UNC13B: variants seen among roughly 807,000 people sequenced by gnomAD.
The protein encoded by UNC13B is protein unc-13 homolog B.
A neutral mutation model predicts 211.0 loss-of-function variants in UNC13B; 144 were observed. That is an observed-to-expected ratio of 0.68 (90% CI 0.60 to 0.78). UNC13B has a LOEUF of 0.78. Ranked by LOEUF, UNC13B falls within the 30% of genes least tolerant of loss-of-function variation. The pLI is 0.00. For synonymous variants in UNC13B, 709 were observed against 725.8 expected (o/e 0.98, Z 0.37); for missense variants, 1,777 against 2,002.0 (o/e 0.89, Z 2.14).
chr9:35,269,040 G>C (rs1012300952), intron 7 of UNC13B, among the ~76,000 whole-genome samples: 1 of 152,164 alleles, frequency 6.6e-6, no homozygotes, highest in African/African-American at 2.4e-5. Flanking sequence ...AACATCAACT[G>C]AGTGTCTCAT....
At chr9:35,186,176 T>C (rs1196502405) in intron 1 of UNC13B, among the ~76,000 whole-genome samples, 1 of 152,004 alleles carries the variant, frequency 6.6e-6, no homozygotes, top group Non-Finnish European at 1.5e-5. Flanking sequence ...AGCACCCTAC[T>C]AGGTGTAGAC....
intron 13 of UNC13B, 131 bp downstream of exon 13, chr9:35,370,527 C>G (rs1014893778): frequency 7.6e-6 from 6 of 790,114 alleles, no homozygotes; most frequent in Non-Finnish European, 1.2e-5. Flanking sequence ...TCATTTAAAG[C>G]CTTCGGAGAC....
At chr9:35,271,138 CAAAAAAAAA>C (rs34349679) in intron 7 of UNC13B, among the ~76,000 whole-genome samples, 18 of 75,726 alleles carry the variant, frequency 2.4e-4, no homozygotes, top group Middle Eastern at 7.8e-3. Flanking sequence ...GACTCCATTT[CAAAAAAAAA>C]AAAAAAAAAA....
At chr9:35,181,729 C>T (rs577147588) in intron 1 of UNC13B, among the ~76,000 whole-genome samples, 19 of 151,980 alleles carry the variant, frequency 1.3e-4, no homozygotes, top group South Asian at 6.2e-4. Context: ...TCCAGCTACT[C>T]GGGAGGCTGA....
At position 35,310,551 on chromosome 9, in the gene UNC13B, A is replaced by C. The variant is rs1564127999; in HGVS notation, c.9093A>C (p.Glu3031Asp). 1 of 1,614,164 alleles carries C rather than the reference A, an allele frequency of 6.2e-7. No homozygotes were observed. Among genetic ancestry groups the C allele is most frequent in the Non-Finnish European group, 8.5e-7 (1 of 1,180,024 alleles). ...SQLSELDQYH[E>D]QDDDHRETDS... ...TAAGTGAACTAGACCAGTATCACGA[A>C]CAAGATGACGACCATCGGGAGACGG... Residue 3031 changes from glutamate (E) to aspartate (D), a missense_variant, in exon 10 of 40, where the codon GAA becomes GAC. Physicochemically the swap from Glu to Asp is conservative, Grantham distance 45. Coordinates refer to ENST00000635942, the MANE Select transcript of UNC13B (RefSeq NM_001371189.2).
intron 7 of UNC13B, among the ~76,000 whole-genome samples, chr9:35,288,162 C>G (rs954868944): frequency 6.6e-6 from 1 of 152,128 alleles, no homozygotes; most frequent in East Asian, 1.9e-4. Context: ...ATTCTCCTTA[C>G]GAGCCTCCCT....
chr9:35,162,487 A>C (rs1183470482), intron 1 of UNC13B, among the ~76,000 whole-genome samples, 182 bp downstream of exon 1: 2 of 152,192 alleles, frequency 1.3e-5, no homozygotes, highest in Non-Finnish European at 2.9e-5. Context: ...TTTTCCCCCA[A>C]GCTCCTGCAA....
intron 1 of UNC13B, among the ~76,000 whole-genome samples, chr9:35,207,339 A>C (rs1049812076): frequency 5.3e-5 from 8 of 152,052 alleles, no homozygotes; most frequent in Non-Finnish European, 7.4e-5. Flanking sequence ...AGCTCACTGC[A>C]ACCTTGAACT....
chr9:35,257,718 A>G (rs960315593), intron 6 of UNC13B, among the ~76,000 whole-genome samples: 1 of 151,246 alleles, frequency 6.6e-6, no homozygotes, highest in Non-Finnish European at 1.5e-5. Context: ...AACAGTATCT[A>G]CCTCTGACAT....
rs202038986 is a variant in UNC13B at position 35,295,741 on chromosome 9, A to T, written c.572A>T (p.Tyr191Phe). The T allele has an allele frequency of 1.2e-6, 2 of 1,614,160 alleles. No homozygotes were observed. The highest frequency in any genetic ancestry group is 1.7e-6 in the Non-Finnish European group (2 of 1,180,028). The change falls in exon 8 of 40, where the codon TAT becomes TTT. Residue 191 changes from tyrosine to phenylalanine, a missense_variant. By Grantham distance (22) the Tyr-to-Phe change is conservative (BLOSUM62 3). Transcript: ENST00000635942. ...DSAVDDRDSD[Y>F]RSETSNSFPP... Reference sequence around the variant, plus strand: ...GCCGTCGATGACCGAGATAGTGACTATCGCAGTGAGACCAGCAACAGCTTC... The same window carrying T: ...GCCGTCGATGACCGAGATAGTGACTTTCGCAGTGAGACCAGCAACAGCTTC...
chr9:35,305,420 T>C lies in UNC13B; in HGVS notation c.6016T>C (p.Ser2006Pro). 2.5e-6 allele frequency: 1 copy of C among 398,986 alleles called. No homozygotes were observed. The highest frequency in any genetic ancestry group is 4.4e-6 in the Non-Finnish European group (1 of 226,014). The allele number at this position is 398,986 out of a possible 1,614,324, so 24.7% of individuals were successfully genotyped here. A position where few individuals can be genotyped will look rare whatever the true frequency, so the allele number is the denominator to read the frequency against. Residue 2006 changes from serine to proline, a missense_variant, in exon 9 of 40, where the codon TCA becomes CCA. Ser to Pro is a moderately conservative substitution (Grantham distance 74, BLOSUM62 -1). Transcript: ENST00000635942. ...GACAACTGAAAATACGTCTGTTTCT[T>C]CAATGACTATTAAGGATGAGGTCAG... Reference protein sequence around the residue: ...IQTTENTSVSSMTIKDEVRSS... With the variant: ...IQTTENTSVSPMTIKDEVRSS...
At chr9:35,356,293 T>G (rs1833016233) in intron 11 of UNC13B, among the ~76,000 whole-genome samples, 1 of 152,218 alleles carries the variant, frequency 6.6e-6, no homozygotes, top group Non-Finnish European at 1.5e-5. Context: ...TTGAAAACTC[T>G]GCTTTCTTTA....
intron 22 of UNC13B, 141 bp from the exon 23 acceptor site, chr9:35,385,583 A>C (rs1245356100): frequency 1.1e-5 from 16 of 1,409,470 alleles, no homozygotes; most frequent in Non-Finnish European, 1.5e-5. Context: ...GAGACCTGTA[A>C]CTTTACAGTG....
At chr9:35,279,171 C>T (rs929577299) in intron 7 of UNC13B, among the ~76,000 whole-genome samples, 1 of 152,116 alleles carries the variant, frequency 6.6e-6, no homozygotes, top group Non-Finnish European at 1.5e-5. Context: ...CAAAGGAGAC[C>T]TCATACCCAT....
At chr9:35,193,658 A>G (rs1205140956) in intron 1 of UNC13B, among the ~76,000 whole-genome samples, 1 of 106,852 alleles carries the variant, frequency 9.4e-6, no homozygotes, top group African/African-American at 4.6e-5. Flanking sequence ...ACTCCGTCTC[A>G]AAAAAAAAAA....
At chr9:35,259,803 G>T (rs79119359) in intron 7 of UNC13B, among the ~76,000 whole-genome samples, 1 of 145,206 alleles carries the variant, frequency 6.9e-6, no homozygotes, top group East Asian at 2.0e-4. Context: ...ATGCGGGGGG[G>T]GGGGATTTTG....
chr9:35,390,119 TG>T (rs1835438983), intron 25 of UNC13B, 146 bp downstream of exon 25: 2 of 1,437,792 alleles, frequency 1.4e-6, no homozygotes, highest in Admixed American at 4.0e-5. Flanking sequence ...TGTATCTGTC[TG>T]GGTAACTGTT....
chr9:35,316,396 A>T (rs1228565442), intron 11 of UNC13B, among the ~76,000 whole-genome samples: 1 of 152,148 alleles, frequency 6.6e-6, no homozygotes, highest in East Asian at 1.9e-4. Context: ...AGCACTCTTA[A>T]TTTGACCCTT....
At chr9:35,396,755 C>G in intron 27 of UNC13B, 86 bp from the exon 28 acceptor site, 1 of 1,600,182 alleles carries the variant, frequency 6.2e-7, no homozygotes, top group Non-Finnish European at 8.6e-7. Context: ...CCTGCCATCC[C>G]GAGGACCCCA....
Sources: gnomAD v4.1 joint callset for allele counts (sites outside exome capture counted in the v4.1 genomes callset) on GRCh38, gnomAD v4.1.1 for gene constraint, MANE v1.5 for transcripts, NCBI Gene and HGNC (gene_info 2026-07-23, HGNC 2026-07-21) for gene names.